The following STN1 variants were observed in gnomAD, a reference collection of about 807,000 sequenced individuals.
The protein encoded by STN1 is STN1 subunit of CST complex, also known as CST complex subunit STN1.
A neutral mutation model predicts 45.5 loss-of-function variants in STN1; 29 were observed. The observed-to-expected ratio is 0.64, with a 90% CI of 0.47 to 0.87. The LOEUF is 0.87. Among genes scored for constraint, STN1 ranks in the 40% least tolerant of loss-of-function variants. STN1 has a pLI of 0.00. For missense variants in STN1, 376 were observed against 441.4 expected (o/e 0.85, Z 1.33); for synonymous variants, 148 against 159.0 (o/e 0.93, Z 0.52).
At chr10:103,909,410 ATATATG>A (rs1564634969) in intron 3 of STN1, among the ~76,000 whole-genome samples, 38 of 68,286 alleles carry the variant, frequency 5.6e-4, no homozygotes, top group South Asian at 1.2e-3. Context: ...ATATATATGT[ATATATG>A]TATATATGTA....
At position 103,914,357 on chromosome 10, in the gene STN1, TATATATATA is replaced by T. The variant is rs1843312005; in HGVS notation, c.133+3096_133+3104del. On this transcript the variant is annotated intron_variant, in intron 2 of 9. Coordinates refer to ENST00000224950, the MANE Select transcript of STN1 (RefSeq NM_024928.5). ...ATACATATATATATATATATATATA[TATATATATA>T]TATATATATTTTTTTTTTTTTTTTT... 1.4e-3 allele frequency among the ~76,000 whole-genome samples: 108 copies of T among 76,342 alleles called. 14 individuals are homozygous for T. The highest frequency in any genetic ancestry group is 8.5e-3 in the Middle Eastern group (1 of 118). The allele number at this position is 76,342 out of a possible 152,430, so 50.1% of individuals were successfully genotyped here.
At chr10:103,889,173 A>T (rs766690575) in intron 8 of STN1, 29 bp from the exon 9 acceptor site, 8 of 1,472,746 alleles carry the variant, frequency 5.4e-6, no homozygotes, top group Non-Finnish European at 7.6e-6. Flanking sequence ...TGAGAGAGAG[A>T]GTGTTCTTAG....
rs139557549 is a variant in STN1 at position 103,881,683 on chromosome 10, G to A, written c.*1001C>T. On this transcript the variant is annotated 3_prime_UTR_variant, in exon 10 of 10. Coordinates refer to ENST00000224950, the MANE Select transcript of STN1 (RefSeq NM_024928.5). The stretch of plus-strand genomic sequence containing the variant: ...AGCAAATGCAGCAGACGAAGGCAGT[G>A]CCTTCTGTGAAATGACTGTAATTAA... Among the ~76,000 whole-genome samples the A allele has an allele frequency of 2.0e-5, 3 of 152,318 alleles. No individual in the cohort carries two copies. The highest frequency in any genetic ancestry group is 4.4e-5 in the Non-Finnish European group (3 of 68,032).
intron 8 of STN1, 41 bp downstream of exon 8, chr10:103,892,089 T>G: frequency 6.8e-7 from 1 of 1,463,188 alleles, no homozygotes; most frequent in Non-Finnish European, 9.3e-7. Flanking sequence ...TATTTGTAAT[T>G]GAAGCTACAA....
intron 7 of STN1, among the ~76,000 whole-genome samples, chr10:103,894,742 G>A (rs1430810503): frequency 1.3e-5 from 2 of 149,206 alleles, no homozygotes; most frequent in East Asian, 1.9e-4. Flanking sequence ...CTAGCTAAAC[G>A]TGCTGAGCTT....
chr10:103,900,357 T>C, intron 4 of STN1, 134 bp from the exon 5 acceptor site: 2 of 851,356 alleles, frequency 2.3e-6, no homozygotes, highest in Non-Finnish European at 3.5e-6. Flanking sequence ...TGTTCTACTG[T>C]TGGAAATCCA....
chr10:103,902,446 C>T (rs1843215735), intron 4 of STN1, among the ~76,000 whole-genome samples: 1 of 152,214 alleles, frequency 6.6e-6, no homozygotes, highest in South Asian at 2.1e-4. Context: ...GCCCACCTTT[C>T]ACTTAAAGGG....
chr10:103,891,658 G>T (rs10883943), intron 8 of STN1, among the ~76,000 whole-genome samples: 67,638 of 152,054 alleles, frequency 0.44, 15,743 homozygotes, highest in Non-Finnish European at 0.5. Context: ...TGGAAACAAT[G>T]AAAAAGCCAC....
chr10:103,890,673 G>A (rs1351151320), intron 8 of STN1, among the ~76,000 whole-genome samples: 1 of 152,244 alleles, frequency 6.6e-6, no homozygotes, highest in African/African-American at 2.4e-5. Context: ...CTGGGACGGT[G>A]TGGGAGGCAC....
chr10:103,906,331 T>C (rs1425794473), intron 3 of STN1, among the ~76,000 whole-genome samples: 1 of 152,194 alleles, frequency 6.6e-6, no homozygotes, highest in South Asian at 2.1e-4. Flanking sequence ...GATAGCAATA[T>C]TCCAAATGAT....
At chr10:103,885,169 G>A (rs1360111806) in intron 9 of STN1, among the ~76,000 whole-genome samples, 4 of 152,206 alleles carry the variant, frequency 2.6e-5, no homozygotes, top group South Asian at 4.1e-4. Flanking sequence ...CATCATATCC[G>A]TAATCCAAGA....
intron 8 of STN1, 126 bp from the exon 9 acceptor site, chr10:103,889,270 C>T: frequency 4.7e-6 from 3 of 637,740 alleles, no homozygotes; most frequent in Non-Finnish European, 2.8e-6. Context: ...TTCCCTACAC[C>T]ATTAATGTGG....
At chr10:103,891,664 G>A (rs75974580) in intron 8 of STN1, among the ~76,000 whole-genome samples, 5,600 of 152,246 alleles carry the variant, frequency 0.037, 320 homozygotes, top group African/African-American at 0.12. Flanking sequence ...CAATGAAAAA[G>A]CCACAGGAGC....
intron 2 of STN1, among the ~76,000 whole-genome samples, 172 bp from the exon 3 acceptor site, chr10:103,910,794 A>C (rs2134375287): frequency 6.6e-6 from 1 of 152,308 alleles, no homozygotes; most frequent in South Asian, 2.1e-4. Flanking sequence ...AGAAATTCCA[A>C]TGTCTTTTCC....
chr10:103,911,248 A>G (rs554375730), intron 2 of STN1, among the ~76,000 whole-genome samples: 2 of 152,254 alleles, frequency 1.3e-5, no homozygotes, highest in African/African-American at 4.8e-5. Context: ...GAACCTACCC[A>G]CTGATACCCA....
chr10:103,909,458 ATG>A (rs1843271400), intron 3 of STN1, among the ~76,000 whole-genome samples: 1 of 107,098 alleles, frequency 9.3e-6, no homozygotes, highest in African/African-American at 3.9e-5. Flanking sequence ...ATATGTATAT[ATG>A]TATATATATG....
chr10:103,900,003 G>A (rs1356034274), intron 5 of STN1, 59 bp downstream of exon 5: 1 of 1,550,608 alleles, frequency 6.4e-7, no homozygotes. Context: ...CTGAACAAGA[G>A]GTTTACTGGA....
At chr10:103,907,369 A>G (rs1007052472) in intron 3 of STN1, among the ~76,000 whole-genome samples, 1 of 152,240 alleles carries the variant, frequency 6.6e-6, no homozygotes, top group African/African-American at 2.4e-5. Flanking sequence ...ATATAATCCA[A>G]TTTATGTGCA....
chr10:103,894,329 C>G (rs1044012133), intron 7 of STN1, among the ~76,000 whole-genome samples: 4 of 151,998 alleles, frequency 2.6e-5, no homozygotes, highest in Non-Finnish European at 5.9e-5. Flanking sequence ...TGGTTATCCC[C>G]AAACCATATA....
Sources: allele counts gnomAD v4.1 joint callset (sites outside exome capture counted in the v4.1 genomes callset), GRCh38; gene constraint gnomAD v4.1.1; transcripts MANE v1.5; gene names NCBI Gene and HGNC (gene_info 2026-07-23, HGNC 2026-07-21).